Variants in XPO4 observed in about 807,000 individuals in gnomAD.
XPO4 encodes the protein exportin 4.
XPO4 carries 39 observed loss-of-function variants against 143.0 expected under a neutral mutation model. The observed-to-expected ratio is 0.27, with a 90% confidence interval of 0.21 to 0.36. The LOEUF is 0.36. Among genes scored for constraint, XPO4 ranks in the 10% least tolerant of loss-of-function variants. The pLI is 1.00. For synonymous variants in XPO4, 439 were observed against 474.0 expected (o/e 0.93, Z 0.96); for missense variants, 907 against 1,348.0 (o/e 0.67, Z 5.12).
At chr13:20,894,953 G>A (rs192638411) in intron 1 of XPO4, among the ~76,000 whole-genome samples, 35 of 152,100 alleles carry the variant, frequency 2.3e-4, no homozygotes, top group African/African-American at 7.2e-4. Context: ...CGAGGCGAGC[G>A]GATCACCTGA....
intron 4 of XPO4, chr13:20,851,796 A>G: frequency 3.0e-6 from 3 of 985,342 alleles, no homozygotes; most frequent in Non-Finnish European, 2.4e-6. Context: ...TTTCATGAGA[A>G]TATTACATTT....
At chr13:20,883,095 C>T (rs980701253) in intron 1 of XPO4, among the ~76,000 whole-genome samples, 4 of 152,212 alleles carry the variant, frequency 2.6e-5, no homozygotes, top group South Asian at 2.1e-4. Context: ...TCCACTATCC[C>T]GCCCTGCCCT....
At chr13:20,842,794 AAT>A in intron 6 of XPO4, 99 bp downstream of exon 6, 1 of 1,080,406 alleles carries the variant, frequency 9.3e-7, no homozygotes, top group Middle Eastern at 2.2e-4. Flanking sequence ...ATTTTCTTTC[AAT>A]ATGTTTTATG....
chr13:20,899,515 ATTC>A (rs1243997902), intron 1 of XPO4, among the ~76,000 whole-genome samples: 3 of 152,072 alleles, frequency 2.0e-5, no homozygotes, highest in African/African-American at 4.8e-5. Flanking sequence ...CTTAGACTTG[ATTC>A]TTATTTTTCA....
At chr13:20,891,263 AC>A (rs1317150524) in intron 1 of XPO4, among the ~76,000 whole-genome samples, 3 of 152,038 alleles carry the variant, frequency 2.0e-5, no homozygotes, top group Non-Finnish European at 4.4e-5. Context: ...GTAAGTGGCT[AC>A]CACATTGGAG....
chr13:20,839,370 A>G (rs2059950799), intron 6 of XPO4, among the ~76,000 whole-genome samples: 1 of 152,222 alleles, frequency 6.6e-6, no homozygotes, highest in Non-Finnish European at 1.5e-5. Context: ...GGACTGGGGA[A>G]GGTGGAAATG....
At chr13:20,787,841 C>T (rs1297491053) in intron 20 of XPO4, among the ~76,000 whole-genome samples, 2 of 152,084 alleles carry the variant, frequency 1.3e-5, no homozygotes, top group East Asian at 3.9e-4. Context: ...GTTTACGATA[C>T]ATACAACTTA....
Position 20,862,871 on chromosome 13 carries a change from T to C in XPO4, c.176-13A>G, listed in dbSNP as rs1490852679. The C allele has an allele frequency of 6.2e-7, 1 of 1,609,394 alleles. No homozygotes were observed. The highest frequency in any genetic ancestry group is 1.1e-5 in the South Asian group (1 of 90,176). On this transcript the variant is annotated splice_polypyrimidine_tract_variant and intron_variant, in intron 2 of 22. Transcript: ENST00000255305. ...ACTTTACTAGTTTCTGAGGAGAAAATTAAAAACTTTATTTAAACAATAATT... is the reference window on the plus strand; with the variant it reads ...ACTTTACTAGTTTCTGAGGAGAAAACTAAAAACTTTATTTAAACAATAATT...
intron 1 of XPO4, among the ~76,000 whole-genome samples, chr13:20,872,344 G>A (rs2120170): frequency 0.99 from 151,382 of 152,302 alleles, 75,249 homozygotes; most frequent in East Asian, 1. Flanking sequence ...CACATAACAC[G>A]TTGCTTGTCC....
chr13:20,843,233 A>AGAT lies in XPO4; in HGVS notation c.574-188_574-186dup, dbSNP rs140987795. Reference sequence around the variant, plus strand: ...TCGCAGTATGCTTTCAAGTGACGCCAGATGGAATACTTTTACTTGAATATA... The same window carrying AGAT: ...TCGCAGTATGCTTTCAAGTGACGCCAGATGATGGAATACTTTTACTTGAATATA... On this transcript the variant is annotated intron_variant, in intron 5 of 22. Coordinates refer to ENST00000255305, the MANE Select transcript of XPO4 (RefSeq NM_022459.5). Among the ~76,000 whole-genome samples, 374 of 152,354 alleles carry AGAT rather than the reference A, an allele frequency of 2.5e-3. 3 individuals carry two copies. Among genetic ancestry groups the AGAT allele is most frequent in the African/African-American group, 8.6e-3 (357 of 41,582 alleles).
intron 1 of XPO4, 82 bp downstream of exon 1, chr13:20,902,588 C>T (rs1387035214): frequency 3.5e-6 from 5 of 1,421,568 alleles, no homozygotes; most frequent in Middle Eastern, 1.9e-4. Context: ...CAGTCGCCAG[C>T]CCAGCGAGCA....
At chr13:20,795,730 TA>T (rs1473767831) in intron 18 of XPO4, among the ~76,000 whole-genome samples, 1 of 152,210 alleles carries the variant, frequency 6.6e-6, no homozygotes, top group Non-Finnish European at 1.5e-5. Context: ...CAGTCCTGGC[TA>T]AGTATCTGTG....
intron 9 of XPO4, among the ~76,000 whole-genome samples, chr13:20,819,412 A>G (rs532164660): frequency 1.4e-4 from 21 of 152,240 alleles, no homozygotes; most frequent in African/African-American, 4.3e-4. Context: ...CTGTAATCCT[A>G]GCACTTTGGG....
chr13:20,783,737 G>A lies in XPO4; in HGVS notation c.3441C>T (p.Leu1147=), dbSNP rs904102651. 1.9e-6 allele frequency: 3 copies of A among 1,614,012 alleles called. No homozygotes were observed. The highest frequency in any genetic ancestry group is 1.7e-5 in the Admixed American group (1 of 59,996). The change falls in exon 23 of 23, where the codon CTC becomes CTT. Residue 1147 remains leucine (L), a synonymous_variant. Transcript: ENST00000255305. ...LEEFMANVGG[L]LCVK ...GTTCTGTTGTTTATTTTACACAAAGGAGACCACCAACATTTGCCATAAATT... is the reference window on the plus strand; with the variant it reads ...GTTCTGTTGTTTATTTTACACAAAGAAGACCACCAACATTTGCCATAAATT...
intron 1 of XPO4, among the ~76,000 whole-genome samples, chr13:20,880,750 G>T (rs1266431468): frequency 6.6e-6 from 1 of 151,790 alleles, no homozygotes; most frequent in Non-Finnish European, 1.5e-5. Flanking sequence ...TGAGTTCCGG[G>T]GTTCCAGACC....
At chr13:20,802,063 T>G (rs554145086) in intron 13 of XPO4, among the ~76,000 whole-genome samples, 22 of 152,198 alleles carry the variant, frequency 1.4e-4, no homozygotes, top group African/African-American at 4.8e-4. Flanking sequence ...CTCTTCTAAT[T>G]TTTTTTCTTT....
chr13:20,787,607 G>A lies in XPO4; in HGVS notation c.3048-9C>T, dbSNP rs2059222638. The A allele has an allele frequency of 6.2e-7, 1 of 1,610,110 alleles. No individual in the cohort carries two copies. The highest frequency in any genetic ancestry group is 8.5e-7 in the Non-Finnish European group (1 of 1,176,598). Reference sequence around the variant, plus strand: ...AAACCTCCGAACTCATTCTGATCATGAAGGTCAAAGAACAAACTAGATTGG... The same window carrying A: ...AAACCTCCGAACTCATTCTGATCATAAAGGTCAAAGAACAAACTAGATTGG... On this transcript the variant is annotated splice_polypyrimidine_tract_variant and intron_variant, in intron 20 of 22. Transcript: ENST00000255305.
In XPO4 at chr13:20,842,893, A is replaced by G; in HGVS notation, c.727+2T>C. 6.2e-7 allele frequency: 1 copy of G among 1,605,502 alleles called. No homozygotes were observed. On this transcript the variant is annotated splice_donor_variant, in intron 6 of 22. Coordinates refer to ENST00000255305, the MANE Select transcript of XPO4 (RefSeq NM_022459.5). LOFTEE classifies it high-confidence loss of function. ...TAAACTATTCATTTGTTAAAAGGAT[A>G]TAATTTGGAGGAAGAAAGTTCCAGC...
rs1487686022 is a variant in XPO4 at position 20,902,517 on chromosome 13, A to T, written c.69+153T>A. On this transcript the variant is annotated intron_variant, in intron 1 of 22. Coordinates refer to ENST00000255305, the MANE Select transcript of XPO4 (RefSeq NM_022459.5). ...ACGGCAGGAGGAAAGTAGGCTGAAG[A>T]ATCCTGCGCCACGCCACCGCCACCT... 3.0e-6 allele frequency: 3 copies of T among 985,180 alleles called. No homozygotes were observed. The East Asian group carries it at 3.4e-4, about 112-fold the overall frequency. 61.0% of individuals were successfully genotyped at this position (985,180 alleles called of 1,614,324 possible).
Sources: allele counts gnomAD v4.1 joint callset (sites outside exome capture counted in the v4.1 genomes callset), GRCh38; gene constraint gnomAD v4.1.1; transcripts MANE v1.5; gene names NCBI Gene and HGNC (gene_info 2026-07-23, HGNC 2026-07-21).